DPP10: variants seen among roughly 807,000 people sequenced by gnomAD.
DPP10 encodes the protein inactive dipeptidyl peptidase 10.
DPP10 carries 33 observed loss-of-function variants against 120.9 expected under a neutral mutation model. The observed-to-expected ratio is 0.27, with a 90% CI of 0.21 to 0.37. The LOEUF is 0.37. DPP10 is among the 10% of genes least tolerant of loss of function. The probability of loss-of-function intolerance (pLI) is 1.00; values close to 1 mark genes in which losing one functional copy is unlikely to be tolerated. For missense variants in DPP10, 816 were observed against 942.8 expected (o/e 0.87, Z 1.76); for synonymous variants, 337 against 326.1 (o/e 1.03, Z -0.36).
chr2:114,589,947 A>G (rs1258133967), intron 1 of DPP10, among the ~76,000 whole-genome samples: 2 of 152,078 alleles, frequency 1.3e-5, no homozygotes, highest in East Asian at 3.9e-4. Flanking sequence ...GATAAAATAG[A>G]TGCTGGAGAT....
chr2:115,000,128 TG>T (rs201125877), intron 1 of DPP10, among the ~76,000 whole-genome samples: 2 of 152,174 alleles, frequency 1.3e-5, no homozygotes, highest in South Asian at 2.1e-4. Flanking sequence ...TCTACATTTA[TG>T]GGGTTTTTTT....
intron 1 of DPP10, among the ~76,000 whole-genome samples, chr2:115,194,632 C>G (rs1022843715): frequency 1.3e-5 from 2 of 152,134 alleles, no homozygotes; most frequent in African/African-American, 4.8e-5. Context: ...AGGGGTTTGG[C>G]CCGTCTTGCG....
At chr2:114,746,576 G>A (rs1320486475) in intron 1 of DPP10, among the ~76,000 whole-genome samples, 1 of 152,194 alleles carries the variant, frequency 6.6e-6, no homozygotes, top group African/African-American at 2.4e-5. Context: ...ATGGAAGTCT[G>A]GACTTGATGT....
At chr2:115,723,484 G>T (rs940117431) in intron 7 of DPP10, among the ~76,000 whole-genome samples, 2 of 152,094 alleles carry the variant, frequency 1.3e-5, no homozygotes, top group African/African-American at 4.8e-5. Context: ...CCAGGCATTC[G>T]ATTATGATGA....
intron 1 of DPP10, among the ~76,000 whole-genome samples, chr2:114,719,118 A>G (rs766109155): frequency 6.6e-6 from 1 of 152,220 alleles, no homozygotes; most frequent in Non-Finnish European, 1.5e-5. Context: ...AACTAGGAAT[A>G]TCCTGTAAAT....
At chr2:114,683,925 C>A (rs1456998062) in intron 1 of DPP10, among the ~76,000 whole-genome samples, 5 of 152,010 alleles carry the variant, frequency 3.3e-5, no homozygotes, top group Non-Finnish European at 7.4e-5. Context: ...TTAAGTAAGA[C>A]ATGGCCATTT....
chr2:114,635,347 C>G (rs569856740), intron 1 of DPP10, among the ~76,000 whole-genome samples: 1 of 151,638 alleles, frequency 6.6e-6, no homozygotes, highest in Non-Finnish European at 1.5e-5. Flanking sequence ...TTGGGTTTAC[C>G]ATAAAATTAA....
chr2:114,828,263 A>T (rs1686743384), intron 1 of DPP10, among the ~76,000 whole-genome samples: 1 of 152,204 alleles, frequency 6.6e-6, no homozygotes, highest in African/African-American at 2.4e-5. Context: ...AGATGTTCTC[A>T]AAAGGCAAAG....
chr2:114,695,776 T>G (rs1211066980), intron 1 of DPP10, among the ~76,000 whole-genome samples: 1 of 152,108 alleles, frequency 6.6e-6, no homozygotes, highest in Non-Finnish European at 1.5e-5. Flanking sequence ...TTGTAAAAAT[T>G]TAGAGTACTT....
intron 5 of DPP10, among the ~76,000 whole-genome samples, chr2:115,635,860 A>C (rs1355632663): frequency 6.6e-6 from 1 of 152,216 alleles, no homozygotes; most frequent in Non-Finnish European, 1.5e-5. Context: ...ATTATAATTT[A>C]TTAATGAAAG....
At chr2:114,820,158 G>A (rs903379379) in intron 1 of DPP10, among the ~76,000 whole-genome samples, 3 of 152,158 alleles carry the variant, frequency 2.0e-5, no homozygotes, top group Non-Finnish European at 2.9e-5. Context: ...TAGTTACAAT[G>A]TGCCAGAGAG....
chr2:115,494,682 C>T (rs1408535154), intron 3 of DPP10, among the ~76,000 whole-genome samples: 1 of 151,832 alleles, frequency 6.6e-6, no homozygotes, highest in Non-Finnish European at 1.5e-5. Flanking sequence ...TCATTTTTTC[C>T]ACATTTTATT....
chr2:115,809,091 G>C (rs182767838), intron 19 of DPP10, among the ~76,000 whole-genome samples: 1 of 152,194 alleles, frequency 6.6e-6, no homozygotes, highest in African/African-American at 2.4e-5. Context: ...TCTCTGGTAG[G>C]AAAAAAATAA....
chr2:114,584,501 C>G (rs1045930042), intron 1 of DPP10, among the ~76,000 whole-genome samples: 1 of 150,164 alleles, frequency 6.7e-6, no homozygotes, highest in East Asian at 2.0e-4. Flanking sequence ...CCCATTAACT[C>G]GTCATTTAGC....
At chr2:115,262,365 T>C (rs1472709696) in intron 1 of DPP10, among the ~76,000 whole-genome samples, 3 of 151,966 alleles carry the variant, frequency 2.0e-5, no homozygotes, top group Non-Finnish European at 4.4e-5. Flanking sequence ...TTAATATGTT[T>C]ACTATTATTT....
chr2:114,945,585 C>T (rs1468405196), intron 1 of DPP10, among the ~76,000 whole-genome samples: 5 of 151,970 alleles, frequency 3.3e-5, no homozygotes, highest in Non-Finnish European at 4.4e-5. Context: ...GAGGCCGAGG[C>T]GGGTGGATCA....
At chr2:115,500,209 A>G (rs1462791973) in intron 4 of DPP10, among the ~76,000 whole-genome samples, 6 of 152,022 alleles carry the variant, frequency 3.9e-5, no homozygotes. Flanking sequence ...AGACTTAGCT[A>G]TAATTACCTA....
At chr2:115,443,181 A>T (rs758482098) in intron 3 of DPP10, among the ~76,000 whole-genome samples, 4 of 152,190 alleles carry the variant, frequency 2.6e-5, no homozygotes, top group Non-Finnish European at 5.9e-5. Flanking sequence ...GTGTACAAAT[A>T]TTTTAGCATG....
intron 1 of DPP10, among the ~76,000 whole-genome samples, chr2:114,846,218 T>C (rs772824113): frequency 7.9e-5 from 12 of 152,128 alleles, no homozygotes; most frequent in Non-Finnish European, 1.6e-4. Context: ...GCATGGAAGC[T>C]AAGAACCCAG....
Sources: allele counts gnomAD v4.1 joint callset (sites outside exome capture counted in the v4.1 genomes callset), GRCh38; gene constraint gnomAD v4.1.1; transcripts MANE v1.5; gene names NCBI Gene and HGNC (gene_info 2026-07-23, HGNC 2026-07-21).